The following PLCZ1 variants were observed in gnomAD, a reference collection of about 807,000 sequenced individuals.
PLCZ1 encodes the protein 1-phosphatidylinositol 4,5-bisphosphate phosphodiesterase zeta-1.
PLCZ1 carries 64 observed loss-of-function variants against 76.8 expected under a neutral mutation model. That is an observed-to-expected ratio of 0.83 (90% CI 0.68 to 1.03). The LOEUF (loss-of-function observed/expected upper bound fraction) is 1.03. Ranked by LOEUF, PLCZ1 falls within the 50% of genes least tolerant of loss-of-function variation. PLCZ1 has a pLI of 0.00. For missense variants in PLCZ1, 751 were observed against 713.7 expected, an observed-to-expected ratio of 1.05 and a Z score of -0.60; for synonymous variants, 248 against 230.8, an observed-to-expected ratio of 1.07 and a Z score of -0.68.
chr12:18,681,275 A>G (rs1418877543), downstream of PLCZ1, among the ~76,000 whole-genome samples: 1 of 152,068 alleles, frequency 6.6e-6, no homozygotes, highest in Non-Finnish European at 1.5e-5. Context: ...CTAATCTAGC[A>G]GAACACGGAT....
At chr12:18,700,853 G>A (rs1384514710) in intron 9 of PLCZ1, among the ~76,000 whole-genome samples, 5 of 152,014 alleles carry the variant, frequency 3.3e-5, no homozygotes, top group South Asian at 2.1e-4. Context: ...ATAACATTAT[G>A]TATTATTAAT....
the PLCZ1 span, among the ~76,000 whole-genome samples, chr12:18,667,201 G>T: frequency 6.6e-6 from 1 of 152,146 alleles, no homozygotes; most frequent in Non-Finnish European, 1.5e-5. Flanking sequence ...AGCTTTGAAT[G>T]AAGGCAGGAA....
intron 4 of PLCZ1, among the ~76,000 whole-genome samples, chr12:18,722,587 G>A (rs760485556): frequency 6.6e-6 from 1 of 151,924 alleles, no homozygotes; most frequent in Non-Finnish European, 1.5e-5. Context: ...CTTTAACAAT[G>A]TTTTGGTACC....
At chr12:18,696,123 A>G (rs1427246840) in intron 11 of PLCZ1, 27 bp downstream of exon 11, 3 of 1,174,206 alleles carry the variant, frequency 2.6e-6, no homozygotes, top group African/African-American at 3.1e-5. Flanking sequence ...TACTTCTGCA[A>G]ACAACTCAAT....
intron 5 of PLCZ1, among the ~76,000 whole-genome samples, chr12:18,718,361 T>A (rs2137505212): frequency 6.6e-6 from 1 of 152,152 alleles, no homozygotes; most frequent in Middle Eastern, 3.4e-3. Flanking sequence ...TCCTCCACAT[T>A]ATTGAATAAA....
At position 18,709,968 on chromosome 12, in the gene PLCZ1, G is replaced by A. The variant is rs986104360; in HGVS notation, c.714+2874C>T. On this transcript the variant is annotated intron_variant, in intron 6 of 14. Coordinates refer to ENST00000266505, the MANE Select transcript of PLCZ1 (RefSeq NM_033123.4). Reference sequence around the variant, plus strand: ...TTCTTTCAATTAGGTCACTATTTGCGTATAAAAATACTACTGATTTAAATA... The same window carrying A: ...TTCTTTCAATTAGGTCACTATTTGCATATAAAAATACTACTGATTTAAATA... Among the ~76,000 whole-genome samples, 19 of 151,488 alleles carry A rather than the reference G, an allele frequency of 1.3e-4. No homozygotes were observed. In the South Asian group the frequency reaches 1.5e-3, roughly 12 times the overall value.
intron 3 of PLCZ1, among the ~76,000 whole-genome samples, chr12:18,725,193 T>G (rs1193056052): frequency 6.6e-6 from 1 of 152,096 alleles, no homozygotes; most frequent in Non-Finnish European, 1.5e-5. Context: ...GAAGATCTAA[T>G]TTTAGTAGAA....
intron 10 of PLCZ1, among the ~76,000 whole-genome samples, chr12:18,698,288 C>CTAT (rs1565677402): frequency 1.8e-5 from 1 of 54,866 alleles, no homozygotes; most frequent in Admixed American, 1.9e-4. Context: ...TTCTATTCTA[C>CTAT]TCCATTCCAT....
chr12:18,695,925 T>C (rs571499563), intron 11 of PLCZ1, among the ~76,000 whole-genome samples: 1 of 152,052 alleles, frequency 6.6e-6, no homozygotes, highest in East Asian at 2.0e-4. Context: ...CCTCGTGAAT[T>C]TAACCACCAT....
chr12:18,700,983 GA>G (rs1181487704), intron 9 of PLCZ1, among the ~76,000 whole-genome samples: 1 of 27,592 alleles, frequency 3.6e-5, no homozygotes, highest in African/African-American at 5.3e-5. Flanking sequence ...CAATTATAGA[GA>G]TTTTTTTTTT....
intron 2 of PLCZ1, chr12:18,736,748 T>C: frequency 8.7e-7 from 1 of 1,152,384 alleles, no homozygotes; most frequent in Non-Finnish European, 1.2e-6. Flanking sequence ...TAACCCTGAA[T>C]CTTAAGGAAA....
the PLCZ1 span, among the ~76,000 whole-genome samples, chr12:18,651,670 G>A: frequency 2.0e-5 from 3 of 152,236 alleles, no homozygotes; most frequent in African/African-American, 7.2e-5. Flanking sequence ...CTTCCGGCCT[G>A]AACAGCCTTT....
At chr12:18,699,679 G>A (rs1450546818) in intron 10 of PLCZ1, 115 bp downstream of exon 10, 3 of 1,123,438 alleles carry the variant, frequency 2.7e-6, no homozygotes, top group Non-Finnish European at 4.0e-6. Flanking sequence ...TATGTTAAAT[G>A]TGTTGAAATT....
the PLCZ1 span, among the ~76,000 whole-genome samples, chr12:18,650,704 GTATATATC>G: frequency 2.0e-3 from 116 of 57,752 alleles, 1 homozygote; most frequent in African/African-American, 4.1e-3. Context: ...GTGTGTGTGT[GTATATATC>G]TATATATATA....
chr12:18,705,697 C>A (rs1956513393), intron 6 of PLCZ1, among the ~76,000 whole-genome samples: 1 of 150,768 alleles, frequency 6.6e-6, no homozygotes, highest in South Asian at 2.1e-4. Context: ...GAAACCCCAT[C>A]TCTACTAAAA....
At chr12:18,688,396 GTAGA>G (rs1953511292) in intron 12 of PLCZ1, among the ~76,000 whole-genome samples, 178 bp from the exon 13 acceptor site, 2 of 151,950 alleles carry the variant, frequency 1.3e-5, no homozygotes, top group Admixed American at 6.6e-5. Context: ...TCAGTTATCA[GTAGA>G]TAAACACCAA....
chr12:18,701,231 C>T (rs555604216), intron 9 of PLCZ1, among the ~76,000 whole-genome samples: 1 of 152,148 alleles, frequency 6.6e-6, no homozygotes, highest in East Asian at 1.9e-4. Context: ...GTGATCCGCC[C>T]ACCTCAGCCT....
At chr12:18,650,278 G>C in the PLCZ1 span, among the ~76,000 whole-genome samples, 58 of 140,302 alleles carry the variant, frequency 4.1e-4, no homozygotes, top group Admixed American at 1.0e-3. Context: ...CAAAAAACTT[G>C]AAGCTAACCC....
chr12:18,700,924 C>T (rs1955810229), intron 9 of PLCZ1, among the ~76,000 whole-genome samples: 3 of 151,888 alleles, frequency 2.0e-5, no homozygotes, highest in South Asian at 4.1e-4. Flanking sequence ...ATCTCTGCAT[C>T]TTTTGCACTT....
Sources: gnomAD v4.1 joint callset for allele counts (sites outside exome capture counted in the v4.1 genomes callset) on GRCh38, gnomAD v4.1.1 for gene constraint, MANE v1.5 for transcripts, NCBI Gene and HGNC (gene_info 2026-07-23, HGNC 2026-07-21) for gene names.